The following UBAP1L variants were observed in gnomAD, a reference collection of about 807,000 sequenced individuals.
UBAP1L encodes ubiquitin-associated protein 1-like.
Under a neutral mutation model 32.1 loss-of-function variants are expected in UBAP1L, and 32 were observed. The observed-to-expected ratio is 1.00, with a 90% CI of 0.75 to 1.34. The LOEUF (loss-of-function observed/expected upper bound fraction) is 1.34. UBAP1L is among the 40% of genes most tolerant of loss of function. The pLI is 0.00. For synonymous variants in UBAP1L, 243 were observed against 250.2 expected (o/e 0.97, Z 0.27); for missense variants, 516 against 540.5 (o/e 0.95, Z 0.45).
intron 1 of UBAP1L, among the ~76,000 whole-genome samples, chr15:65,108,119 G>C (rs1476190736): frequency 6.6e-6 from 1 of 152,010 alleles, no homozygotes; most frequent in Non-Finnish European, 1.5e-5. Flanking sequence ...AATGAAGAGA[G>C]TGACTTAAAG....
intron 1 of UBAP1L, among the ~76,000 whole-genome samples, chr15:65,110,771 C>T (rs1056187866): frequency 2.6e-5 from 4 of 151,866 alleles, no homozygotes; most frequent in African/African-American, 9.7e-5. Context: ...TAATAATACA[C>T]TTGAATCTAG....
At chr15:65,093,497 C>T (rs1277591559) in intron 5 of UBAP1L, among the ~76,000 whole-genome samples, 4 of 152,228 alleles carry the variant, frequency 2.6e-5, no homozygotes, top group Non-Finnish European at 5.9e-5. Flanking sequence ...TCCTCCCACT[C>T]ACTGTCAACT....
At position 65,093,228 on chromosome 15, in the gene UBAP1L, C is replaced by T; in HGVS notation, c.1015G>A (p.Gly339Arg). ...TGCTCCCAGAGGCGCAGGAACTCCC[C>T]TGCCTGAGGAAGAGGAGACAGGGAG... The part of the protein sequence containing the change: ...EMFQFSESQA[G>R]EFLRLWEQFS... The change falls in exon 6 of 6, where the codon GGG becomes AGG. Residue 339 changes from glycine to arginine, a missense_variant. By Grantham distance (125) the Gly-to-Arg change is moderately radical (BLOSUM62 -2). Transcript: ENST00000559089. 2 of 1,543,958 alleles carry T rather than the reference C, an allele frequency of 1.3e-6. No homozygotes were observed. The highest frequency in any genetic ancestry group is 1.2e-5 in the South Asian group (1 of 83,598).
Position 65,106,357 on chromosome 15 carries a change from C to T in UBAP1L, c.-142G>A. On this transcript the variant is annotated 5_prime_UTR_variant, in exon 2 of 6. Transcript: ENST00000559089. ...TGTGGTCACTTAGCTGAGCCCCAAA[C>T]AGCTGGAAAGGAAAAGGTGAGGGGG... 2.9e-6 allele frequency: 3 copies of T among 1,032,202 alleles called. No individual in the cohort carries two copies. The highest frequency in any genetic ancestry group is 4.0e-6 in the Non-Finnish European group (3 of 752,682). The allele number at this position is 1,032,202 out of a possible 1,614,324, so 63.9% of individuals were successfully genotyped here.
rs563492310 is a variant in UBAP1L, at chr15:65,102,661, C to G, written c.144G>C (p.Thr48=). Residue 48 remains threonine, a synonymous_variant, in exon 3 of 6, where the codon ACG becomes ACC. Transcript: ENST00000559089. This position sits in a 1 kb window ranked among gnomAD's most constrained non-coding sequence, Gnocchi z 5.0. The part of the protein sequence containing the change: ...GSMHDFSLER[T]ALFWVEAAGQ... ...CGGCGGCCTCCACCCAGAAGAGTGC[C>G]GTCCTCTCCAGGCTGAAGTCGTGCT... 6.5e-7 allele frequency: 1 copy of G among 1,548,380 alleles called. No homozygotes were observed. Among genetic ancestry groups the G allele is most frequent in the South Asian group, 1.2e-5 (1 of 84,050 alleles).
rs1370328974 is a variant in UBAP1L, at chr15:65,106,212, T to C, written c.4A>G (p.Asn2Asp). ...TTGAAAGGAACACCATCGAGGGCAT[T>C]CATTCTGTCAGGAGTGTGGAGATGG... M[N>D]ALDGVPFKLP... The change falls in exon 2 of 6, where the codon AAT becomes GAT. Residue 2 changes from asparagine to aspartate, a missense_variant. Coordinates refer to ENST00000559089, the MANE Select transcript of UBAP1L (RefSeq NM_001163692.2). 1 of 1,543,314 alleles carries C rather than the reference T, an allele frequency of 6.5e-7. No homozygotes were observed. The highest frequency in any genetic ancestry group is 8.7e-7 in the Non-Finnish European group (1 of 1,144,700).
intron 1 of UBAP1L, among the ~76,000 whole-genome samples, chr15:65,113,941 C>A (rs1346083912): frequency 6.6e-6 from 1 of 152,072 alleles, no homozygotes; most frequent in African/African-American, 2.4e-5. Context: ...GGCTAGAGTG[C>A]AGTGGCTCGA....
In UBAP1L at chr15:65,102,441, C is replaced by T; in HGVS notation, c.364G>A (p.Glu122Lys). ...GGTTGGAGGCTGCTGGGGGCCGGCT[C>T]TTCCTCGCTGCCAGAGGAGGCTTCT... ...EAEASSGSEE[E>K]PAPSSLQPGS... The change falls in exon 3 of 6, where the codon GAG (glutamate) becomes AAG (lysine). Residue 122 changes from glutamate (E) to lysine (K), a missense_variant. Coordinates refer to ENST00000559089, the MANE Select transcript of UBAP1L (RefSeq NM_001163692.2). The surrounding 1 kb of genome is among the most constrained non-coding windows in gnomAD (Gnocchi z 5.0). The T allele has an allele frequency of 2.1e-6, 3 of 1,424,976 alleles. No individual in the cohort carries two copies. The highest frequency in any genetic ancestry group is 1.5e-5 in the South Asian group (1 of 66,562). 88.3% of individuals were successfully genotyped at this position (1,424,976 alleles called of 1,614,324 possible). A position where few individuals can be genotyped will look rare whatever the true frequency, so the allele number is the denominator to read the frequency against.
At chr15:65,109,955 T>C (rs1300108976) in intron 1 of UBAP1L, among the ~76,000 whole-genome samples, 1 of 152,248 alleles carries the variant, frequency 6.6e-6, no homozygotes, top group African/African-American at 2.4e-5. Context: ...TCTTGGCTTT[T>C]TGGGTTAGAT....
rs1345242586 is a variant in UBAP1L, at chr15:65,094,191, G to A, written c.1011+284C>T. On this transcript the variant is annotated intron_variant, in intron 5 of 5. Coordinates refer to ENST00000559089, the MANE Select transcript of UBAP1L (RefSeq NM_001163692.2). This position sits in a 1 kb window ranked among gnomAD's most constrained non-coding sequence, Gnocchi z 4.2. ...CAAAGAGTGGCCATTCAGTCACAGA[G>A]GCTGTGTTGATTAAGTCTAATAAAG... Among the ~76,000 whole-genome samples the A allele has an allele frequency of 1.3e-5, 2 of 152,144 alleles. No homozygotes were observed. The highest frequency in any genetic ancestry group is 2.4e-5 in the African/African-American group (1 of 41,426).
chr15:65,099,416 C>G, intron 4 of UBAP1L, 89 bp downstream of exon 4: 1 of 1,369,324 alleles, frequency 7.3e-7, no homozygotes. Flanking sequence ...TGTTGTTGGG[C>G]CTATGTCACA....
intron 1 of UBAP1L, among the ~76,000 whole-genome samples, chr15:65,111,459 A>G (rs1483623204): frequency 1.3e-5 from 2 of 152,074 alleles, no homozygotes; most frequent in Non-Finnish European, 2.9e-5. Context: ...TGCTTCTAGG[A>G]TACTGAGGAT....
In UBAP1L at chr15:65,100,812, C is replaced by T. The variant is rs1249048530; in HGVS notation, c.700-1098G>A. Reference sequence around the variant, plus strand: ...TTATTACCTCCAGGGTGGAGAACATCAAAGTTTAGGAGCTGAGTCTACTCT... The same window carrying T: ...TTATTACCTCCAGGGTGGAGAACATTAAAGTTTAGGAGCTGAGTCTACTCT... On this transcript the variant is annotated intron_variant, in intron 3 of 5. Transcript: ENST00000559089. 6 of 152,252 alleles carry T rather than the reference C, an allele frequency of 3.9e-5. No individual in the cohort carries two copies. In the South Asian group the frequency reaches 1.0e-3, roughly 26 times the overall value. 9.4% of individuals were successfully genotyped at this position (152,252 alleles called of 1,614,324 possible).
chr15:65,101,382 G>A (rs1005121269), intron 3 of UBAP1L: 4 of 152,228 alleles, frequency 2.6e-5, no homozygotes, highest in Admixed American at 2.6e-4. Flanking sequence ...ACAAAGGGAG[G>A]AGCCTGAGGC....
chr15:65,100,757 C>A (rs908505193), intron 3 of UBAP1L: 4 of 152,258 alleles, frequency 2.6e-5, no homozygotes, highest in Non-Finnish European at 5.9e-5. Flanking sequence ...AGGGCTCTCC[C>A]TGCCACGACC....
At chr15:65,098,143 A>G (rs1278291245) in intron 4 of UBAP1L, 1 of 152,068 alleles carries the variant, frequency 6.6e-6, no homozygotes, top group Non-Finnish European at 1.5e-5. Context: ...CCTTTTGCCT[A>G]TTGGGTCATT....
chr15:65,094,372 C>T lies in UBAP1L; in HGVS notation c.1011+103G>A. ...CTCCCGACAGACCCACAGGCTGGAC[C>T]CACAGACTGGCTCTGAGGACTGGTG... is the stretch of plus-strand genomic sequence containing the variant. On this transcript the variant is annotated intron_variant, in intron 5 of 5. Coordinates refer to ENST00000559089, the MANE Select transcript of UBAP1L (RefSeq NM_001163692.2). The surrounding 1 kb of genome is among the most constrained non-coding windows in gnomAD (Gnocchi z 4.2). The T allele has an allele frequency of 1.3e-6, 1 of 772,804 alleles. No homozygotes were observed. The highest frequency in any genetic ancestry group is 2.1e-6 in the Non-Finnish European group (1 of 486,988). 47.9% of individuals were successfully genotyped at this position (772,804 alleles called of 1,614,324 possible).
At chr15:65,105,316 A>C (rs564564781) in intron 2 of UBAP1L, among the ~76,000 whole-genome samples, 1 of 151,922 alleles carries the variant, frequency 6.6e-6, no homozygotes, top group Non-Finnish European at 1.5e-5. Flanking sequence ...ATCTCTACAA[A>C]GAAATATAAA....
chr15:65,104,084 T>A (rs2087275451), intron 2 of UBAP1L, among the ~76,000 whole-genome samples: 1 of 152,100 alleles, frequency 6.6e-6, no homozygotes, highest in African/African-American at 2.4e-5. Flanking sequence ...AAACCCCACC[T>A]CTACTAAAAC....
Sources: allele counts gnomAD v4.1 joint callset (sites outside exome capture counted in the v4.1 genomes callset), GRCh38; gene constraint gnomAD v4.1.1; non-coding constraint Gnocchi (gnomAD v3.1); transcripts MANE v1.5; gene names NCBI Gene and HGNC (gene_info 2026-07-23, HGNC 2026-07-21).